Variants in EYS observed in about 807,000 individuals in gnomAD.
EYS encodes protein eyes shut homolog.
Under a neutral mutation model 282.1 loss-of-function variants are expected in EYS, and 250 were observed. The ratio of observed to expected loss-of-function variants is 0.89; its 90% CI spans 0.80 to 0.98. The LOEUF is 0.98. Ranked by LOEUF, EYS falls within the 50% of genes least tolerant of loss-of-function variation. The pLI is 0.00. For missense variants in EYS, 4,016 were observed against 3,709.0 expected, an observed-to-expected ratio of 1.08 and a Z score of -2.15; for synonymous variants, 1,355 against 1,282.9, an observed-to-expected ratio of 1.06 and a Z score of -1.20.
intron 2 of EYS, among the ~76,000 whole-genome samples, chr6:65,628,019 G>T (rs1387181945): frequency 1.3e-5 from 2 of 152,260 alleles, no homozygotes; most frequent in Non-Finnish European, 2.9e-5. Flanking sequence ...GTCTGGTGGG[G>T]AGGTGGAGAG....
chr6:64,025,005 G>A (rs532921625), intron 33 of EYS, among the ~76,000 whole-genome samples: 30 of 152,296 alleles, frequency 2.0e-4, no homozygotes, highest in African/African-American at 6.3e-4. Flanking sequence ...ACCATGTGGT[G>A]AGACCATCGC....
chr6:65,460,487 AT>A (rs1764791993), intron 5 of EYS, among the ~76,000 whole-genome samples: 1 of 152,076 alleles, frequency 6.6e-6, no homozygotes. Flanking sequence ...TCTTTAGCTC[AT>A]CTCATCAGAC....
At chr6:64,842,442 T>C (rs780379273) in intron 19 of EYS, among the ~76,000 whole-genome samples, 4 of 151,864 alleles carry the variant, frequency 2.6e-5, no homozygotes, top group Non-Finnish European at 5.9e-5. Context: ...GCTGAAAAGA[T>C]ACCCAAAATT....
At chr6:64,672,145 G>C (rs962431241) in intron 22 of EYS, among the ~76,000 whole-genome samples, 4 of 152,126 alleles carry the variant, frequency 2.6e-5, no homozygotes, top group Non-Finnish European at 5.9e-5. Context: ...TAGCTTGTGA[G>C]ATTTTTCTTT....
chr6:65,461,670 C>T (rs1056132811), intron 5 of EYS, among the ~76,000 whole-genome samples: 1 of 152,010 alleles, frequency 6.6e-6, no homozygotes, highest in African/African-American at 2.4e-5. Flanking sequence ...TTTAAGCATA[C>T]CTTCTTAAGT....
At chr6:65,221,266 T>C (rs1766456758) in intron 12 of EYS, among the ~76,000 whole-genome samples, 1 of 152,152 alleles carries the variant, frequency 6.6e-6, no homozygotes, top group African/African-American at 2.4e-5. Context: ...GGAAAATGCC[T>C]TCAGGGCATG....
At chr6:64,822,497 A>C (rs985937052) in intron 20 of EYS, among the ~76,000 whole-genome samples, 154 bp downstream of exon 20, 1 of 152,058 alleles carries the variant, frequency 6.6e-6, no homozygotes, top group African/African-American at 2.4e-5. Flanking sequence ...CATTAGCTAA[A>C]ACTGGCAGCA....
At chr6:64,455,574 G>C (rs1158162538) in intron 26 of EYS, among the ~76,000 whole-genome samples, 1 of 151,924 alleles carries the variant, frequency 6.6e-6, no homozygotes, top group Non-Finnish European at 1.5e-5. Context: ...GCATGCATTA[G>C]GTATTTGTCC....
At chr6:64,443,536 C>T (rs80169693) in intron 26 of EYS, among the ~76,000 whole-genome samples, 3 of 152,098 alleles carry the variant, frequency 2.0e-5, no homozygotes, top group African/African-American at 7.2e-5. Context: ...TGTGTCCTCA[C>T]CCAAATCTCA....
intron 18 of EYS, among the ~76,000 whole-genome samples, chr6:64,890,993 C>T (rs1216685608): frequency 6.6e-6 from 1 of 152,030 alleles, no homozygotes. Context: ...ATATGCTTTA[C>T]TTTTACATAA....
intron 31 of EYS, among the ~76,000 whole-genome samples, chr6:64,187,327 G>A (rs1764976116): frequency 6.6e-6 from 1 of 151,854 alleles, no homozygotes; most frequent in Non-Finnish European, 1.5e-5. Context: ...TTCTAATGAT[G>A]TCACAAGAAA....
At chr6:65,383,147 T>A (rs1582219194) in intron 8 of EYS, among the ~76,000 whole-genome samples, 2 of 152,110 alleles carry the variant, frequency 1.3e-5, no homozygotes, top group Middle Eastern at 3.4e-3. Context: ...TTTGTTAATA[T>A]CAGTAAGAAG....
intron 29 of EYS, among the ~76,000 whole-genome samples, chr6:64,385,777 A>G (rs1287774541): frequency 7.1e-6 from 1 of 141,094 alleles, no homozygotes; most frequent in African/African-American, 2.7e-5. Context: ...CTTCCTCAGA[A>G]TATTACAATT....
intron 26 of EYS, among the ~76,000 whole-genome samples, chr6:64,502,329 C>T (rs6903238): frequency 2.6e-5 from 4 of 152,074 alleles, no homozygotes; most frequent in Non-Finnish European, 5.9e-5. Flanking sequence ...CAAGCTCCGC[C>T]TCCGGGGTTC....
chr6:64,345,571 A>G (rs1771352780), intron 29 of EYS, among the ~76,000 whole-genome samples: 1 of 152,032 alleles, frequency 6.6e-6, no homozygotes, highest in Admixed American at 6.6e-5. Context: ...TAAAGACTTA[A>G]AGGTTAGACC....
rs71551560 is a variant in EYS, at chr6:64,085,340, G to GCACA, written c.6425-3342_6425-3339dup. On this transcript the variant is annotated intron_variant, in intron 31 of 42. Transcript: ENST00000503581. ...CGCGCGCGCGTGCGCACGTGCGCGC[G>GCACA]CACACACACACACACACACACACAC... Among the ~76,000 whole-genome samples, 888 of 139,880 alleles carry GCACA rather than the reference G, an allele frequency of 6.3e-3. 5 individuals are homozygous for GCACA. The highest frequency in any genetic ancestry group is 0.015 in the Middle Eastern group (4 of 274). The allele number at this position is 139,880 out of a possible 152,430, so 91.8% of individuals were successfully genotyped here. A position where few individuals can be genotyped will look rare whatever the true frequency, so the allele number is the denominator to read the frequency against.
chr6:64,969,916 C>G (rs1770230402), intron 14 of EYS, among the ~76,000 whole-genome samples: 1 of 152,090 alleles, frequency 6.6e-6, no homozygotes. Flanking sequence ...CAATCTCATA[C>G]TATGTAAAAT....
chr6:64,548,604 C>G (rs1339334809), intron 26 of EYS, among the ~76,000 whole-genome samples: 1 of 151,962 alleles, frequency 6.6e-6, no homozygotes, highest in East Asian at 1.9e-4. Flanking sequence ...CGCATGTTCT[C>G]ACTCATAGGT....
intron 1 of EYS, among the ~76,000 whole-genome samples, chr6:65,663,000 G>C (rs1240042436): frequency 2.6e-5 from 4 of 152,086 alleles, no homozygotes; most frequent in South Asian, 4.1e-4. Flanking sequence ...GGTTTAGAGG[G>C]AGCGCCCCTA....
Sources: gnomAD v4.1 joint callset for allele counts (sites outside exome capture counted in the v4.1 genomes callset) on GRCh38, gnomAD v4.1.1 for gene constraint, MANE v1.5 for transcripts, NCBI Gene and HGNC (gene_info 2026-07-23, HGNC 2026-07-21) for gene names.